RALGPS1: variants seen among roughly 807,000 people sequenced by gnomAD.
The protein encoded by RALGPS1 is Ral GEF with PH domain and SH3 binding motif 1, also known as ras-specific guanine nucleotide-releasing factor RalGPS1.
Under a neutral mutation model 78.8 loss-of-function variants are expected in RALGPS1, and 19 were observed. The observed-to-expected ratio is 0.24, with a 90% CI of 0.17 to 0.35. The LOEUF is 0.35. Ranked by LOEUF, RALGPS1 falls within the 10% of genes least tolerant of loss-of-function variation. The pLI, the probability that RALGPS1 is intolerant of heterozygous loss-of-function variation, is 1.00. For synonymous variants in RALGPS1, 228 were observed against 256.3 expected (o/e 0.89, Z 1.06); for missense variants, 454 against 688.3 (o/e 0.66, Z 3.81).
At chr9:126,973,795 G>T (rs1439529013) in intron 3 of RALGPS1, among the ~76,000 whole-genome samples, 1 of 152,016 alleles carries the variant, frequency 6.6e-6, no homozygotes, top group East Asian at 1.9e-4. Flanking sequence ...TCTACTTTCT[G>T]ACTCCATGAT....
At chr9:126,951,599 C>T (rs1242787688) in intron 1 of RALGPS1, among the ~76,000 whole-genome samples, 2 of 151,316 alleles carry the variant, frequency 1.3e-5, no homozygotes, top group Non-Finnish European at 3.0e-5. Flanking sequence ...GCAGAAAAGG[C>T]CTTTGACAAA....
chr9:126,985,887 G>T (rs1205396790), intron 4 of RALGPS1, among the ~76,000 whole-genome samples: 1 of 152,216 alleles, frequency 6.6e-6, no homozygotes, highest in Non-Finnish European at 1.5e-5. Flanking sequence ...AGTGGAGTGT[G>T]AATGGATGCC....
intron 18 of RALGPS1, chr9:127,217,432 A>G: frequency 1.0e-6 from 1 of 988,426 alleles, no homozygotes; most frequent in South Asian, 4.7e-5. Flanking sequence ...TGTGACAGAA[A>G]TGCATCTATT....
At chr9:127,107,704 T>C (rs1285789578) in intron 8 of RALGPS1, among the ~76,000 whole-genome samples, 3 of 152,084 alleles carry the variant, frequency 2.0e-5, no homozygotes, top group African/African-American at 4.8e-5. Flanking sequence ...TTTGGTAATA[T>C]CTTTGAGGAT....
intron 8 of RALGPS1, chr9:127,107,972 G>A (rs1377210998): frequency 1.3e-6 from 2 of 1,573,692 alleles, no homozygotes; most frequent in East Asian, 2.3e-5. Flanking sequence ...GTGGGCAGAG[G>A]GGGTGGCAGC....
At chr9:126,998,459 A>G (rs1182485594) in intron 4 of RALGPS1, among the ~76,000 whole-genome samples, 2 of 152,222 alleles carry the variant, frequency 1.3e-5, no homozygotes, top group Non-Finnish European at 2.9e-5. Flanking sequence ...AATCAAAACC[A>G]CAATGAGATA....
chr9:127,117,933 G>A (rs1175165330), intron 8 of RALGPS1, among the ~76,000 whole-genome samples: 1 of 152,220 alleles, frequency 6.6e-6, no homozygotes, highest in East Asian at 1.9e-4. Flanking sequence ...TGCCTGTCTG[G>A]ACAACTAGGC....
intron 4 of RALGPS1, among the ~76,000 whole-genome samples, chr9:126,983,098 G>A (rs559400674): frequency 4.4e-4 from 67 of 151,430 alleles, no homozygotes; most frequent in African/African-American, 1.6e-3. Flanking sequence ...TACCACGACC[G>A]GCTAATTATC....
intron 1 of RALGPS1, among the ~76,000 whole-genome samples, chr9:126,929,685 A>T (rs1446773522): frequency 1.3e-5 from 2 of 151,954 alleles, no homozygotes; most frequent in Non-Finnish European, 2.9e-5. Flanking sequence ...GCTGGTCTTG[A>T]ACTCCCTACC....
At chr9:126,986,502 A>G (rs145870407) in intron 4 of RALGPS1, among the ~76,000 whole-genome samples, 7 of 152,222 alleles carry the variant, frequency 4.6e-5, no homozygotes, top group African/African-American at 1.7e-4. Flanking sequence ...GCAGCCTTCT[A>G]AAAGGGTATG....
intron 1 of RALGPS1, among the ~76,000 whole-genome samples, chr9:126,960,088 T>C (rs927543722): frequency 5.3e-5 from 8 of 152,098 alleles, no homozygotes; most frequent in Non-Finnish European, 1.2e-4. Flanking sequence ...ACTGGAGATG[T>C]ACCAGGAGAG....
chr9:127,028,869 G>C (rs1316225996), intron 4 of RALGPS1, among the ~76,000 whole-genome samples: 2 of 152,134 alleles, frequency 1.3e-5, no homozygotes, highest in Non-Finnish European at 2.9e-5. Context: ...CAGGGAATCA[G>C]CCTGGTCCAT....
At chr9:127,162,435 A>G (rs2059074137) in intron 8 of RALGPS1, among the ~76,000 whole-genome samples, 1 of 152,124 alleles carries the variant, frequency 6.6e-6, no homozygotes, top group African/African-American at 2.4e-5. Flanking sequence ...TACTGAAAAG[A>G]TTTCTGTGGA....
intron 4 of RALGPS1, among the ~76,000 whole-genome samples, chr9:126,997,626 A>G (rs1796721329): frequency 6.6e-6 from 1 of 152,244 alleles, no homozygotes; most frequent in Non-Finnish European, 1.5e-5. Flanking sequence ...TGCCATCCCC[A>G]TCAAGCTACC....
intron 8 of RALGPS1, among the ~76,000 whole-genome samples, chr9:127,124,625 C>T (rs575416408): frequency 7.9e-5 from 12 of 152,238 alleles, no homozygotes; most frequent in African/African-American, 2.6e-4. Flanking sequence ...GGGATAGACT[C>T]GGGCAAGAGC....
intron 17 of RALGPS1, among the ~76,000 whole-genome samples, chr9:127,213,602 G>C (rs1305177462): frequency 6.6e-6 from 1 of 152,228 alleles, no homozygotes; most frequent in Admixed American, 6.5e-5. Context: ...TGTCTTCACT[G>C]ACATTCAGAA....
intron 1 of RALGPS1, among the ~76,000 whole-genome samples, chr9:126,932,911 C>T (rs376181128): frequency 1.5e-3 from 229 of 152,274 alleles, no homozygotes; most frequent in Non-Finnish European, 2.5e-3. Flanking sequence ...CAGTCTGAGC[C>T]GAGGCCGGGC....
At chr9:127,025,839 G>A (rs2045918919) in intron 4 of RALGPS1, among the ~76,000 whole-genome samples, 1 of 152,018 alleles carries the variant, frequency 6.6e-6, no homozygotes, top group East Asian at 1.9e-4. Context: ...CTGCAGGCAA[G>A]CACACCATGC....
At chr9:126,923,024 G>A (rs2034922057) in intron 1 of RALGPS1, among the ~76,000 whole-genome samples, 1 of 152,160 alleles carries the variant, frequency 6.6e-6, no homozygotes, top group Non-Finnish European at 1.5e-5. Context: ...CCACCAGCAG[G>A]TCCTCAGTGC....
Sources: allele counts gnomAD v4.1 joint callset (sites outside exome capture counted in the v4.1 genomes callset), GRCh38; gene constraint gnomAD v4.1.1; transcripts MANE v1.5; gene names NCBI Gene and HGNC (gene_info 2026-07-23, HGNC 2026-07-21).